OR1L8: variants seen among roughly 807,000 people sequenced by gnomAD.
OR1L8 encodes the protein olfactory receptor family 1 subfamily L member 8, also known as olfactory receptor 1L8.
For missense variants in OR1L8, 330 were observed against 377.4 expected, an observed-to-expected ratio of 0.87 and a Z score of 1.04; for synonymous variants, 148 against 147.0, an observed-to-expected ratio of 1.01 and a Z score of -0.05.
chr9:122,576,388 A>ATTT (rs71371951), intron 3 of OR1L8, among the ~76,000 whole-genome samples: 4 of 138,610 alleles, frequency 2.9e-5, no homozygotes, highest in African/African-American at 5.3e-5. Flanking sequence ...CGCCCAGCTA[A>ATTT]TTTTTTTTTT....
chr9:122,553,351 T>C, the OR1L8 span: 183 of 1,613,928 alleles, frequency 1.1e-4, no homozygotes, highest in Middle Eastern at 1.6e-4. Context: ...GGGAACCTGC[T>C]CATTATCCTG....
chr9:122,565,416 C>T (rs772865509), downstream of OR1L8, among the ~76,000 whole-genome samples: 2 of 152,338 alleles, frequency 1.3e-5, no homozygotes, highest in Middle Eastern at 3.4e-3. Context: ...CCACTGTCAT[C>T]GCCCAATGGG....
chr9:122,580,808 A>G (rs1458194796), intron 1 of OR1L8, among the ~76,000 whole-genome samples: 1 of 152,124 alleles, frequency 6.6e-6, no homozygotes, highest in East Asian at 1.9e-4. Context: ...TAAAAAATAT[A>G]CTTTTGTTCT....
chr9:122,549,077 T>G, the OR1L8 span, among the ~76,000 whole-genome samples: 16 of 152,038 alleles, frequency 1.1e-4, no homozygotes, highest in African/African-American at 3.1e-4. Context: ...ATGTTTGCCC[T>G]CTCCAAACCT....
the OR1L8 span, among the ~76,000 whole-genome samples, chr9:122,557,424 T>G: frequency 2.0e-5 from 3 of 152,114 alleles, no homozygotes; most frequent in Admixed American, 1.3e-4. Context: ...TAAATGAGTG[T>G]TGGATTTTTG....
chr9:122,554,050 T>A, the OR1L8 span: 4 of 1,613,718 alleles, frequency 2.5e-6, no homozygotes, highest in African/African-American at 5.3e-5. Context: ...GCTGCTGTTC[T>A]CTATATGGTG....
rs776582162 is a variant in OR1L8, at chr9:122,567,974, G to C, written c.504C>G (p.Thr168=). ...LLHTLLLNRL[T]FCDSNVIHHF... Reference sequence around the variant, plus strand: ...GGTGGATAACATTGGAGTCACAGAAGGTGAGACGATTCAGCAGAAGTGTGT... The same window carrying C: ...GGTGGATAACATTGGAGTCACAGAACGTGAGACGATTCAGCAGAAGTGTGT... Residue 168 remains threonine (T), a synonymous_variant, in exon 5 of 5, where the codon ACC becomes ACG. Transcript: ENST00000641027. The C allele has an allele frequency of 2.5e-6, 4 of 1,614,054 alleles. No individual in the cohort carries two copies. The highest frequency in any genetic ancestry group is 3.3e-5 in the Admixed American group (2 of 60,004).
At chr9:122,556,930 C>CAG in the OR1L8 span, among the ~76,000 whole-genome samples, 131,132 of 151,904 alleles carry the variant, frequency 0.86, 56,857 homozygotes, top group East Asian at 0.98. Context: ...TTTCTCCTAT[C>CAG]AGTTCTGCAG....
chr9:122,550,509 G>A, the OR1L8 span, among the ~76,000 whole-genome samples: 3 of 150,286 alleles, frequency 2.0e-5, no homozygotes, highest in African/African-American at 7.3e-5. Context: ...TAAAATACTA[G>A]CAAACTGAAT....
intron 3 of OR1L8, among the ~76,000 whole-genome samples, chr9:122,576,300 C>A (rs1348703151): frequency 6.6e-6 from 1 of 152,072 alleles, no homozygotes; most frequent in Non-Finnish European, 1.5e-5. Flanking sequence ...CAGCCCACTG[C>A]AACCTCCGCC....
At chr9:122,560,975 G>A in the OR1L8 span, among the ~76,000 whole-genome samples, 3 of 152,242 alleles carry the variant, frequency 2.0e-5, no homozygotes, top group East Asian at 5.8e-4. Flanking sequence ...ATCAATCATA[G>A]GTTCTGCCTT....
At chr9:122,565,330 C>G (rs1447115994), downstream of OR1L8, among the ~76,000 whole-genome samples, 1 of 152,208 alleles carries the variant, frequency 6.6e-6, no homozygotes, top group Non-Finnish European at 1.5e-5. Context: ...CAAAGCATGA[C>G]CTCAGAAGGG....
At position 122,568,378 on chromosome 9, in the gene OR1L8, T is replaced by C. The variant is rs774669051; in HGVS notation, c.100A>G (p.Ile34Val). ...CCTGTTATGGTGACCAGGTACACGA[T>C]GAGGAAGAGAACAAAGAGTGTCTTT... is the stretch of plus-strand genomic sequence containing the variant. ...DQKTLFVLFL[I>V]VYLVTITGNL... is the part of the protein sequence containing the mutation. Residue 34 changes from isoleucine to valine, a missense_variant, in exon 5 of 5, where the codon ATC (isoleucine) becomes GTC (valine). Coordinates refer to ENST00000641027, the MANE Select transcript of OR1L8 (RefSeq NM_001004454.2). 6.2e-7 allele frequency: 1 copy of C among 1,613,876 alleles called. No individual in the cohort carries two copies. The highest frequency in any genetic ancestry group is 1.1e-5 in the South Asian group (1 of 91,060).
rs748201311 is a variant in OR1L8 at position 122,568,157 on chromosome 9, G to C, written c.321C>G (p.Ala107=). 1 of 1,614,126 alleles carries C rather than the reference G, an allele frequency of 6.2e-7. No homozygotes were observed. Among genetic ancestry groups the C allele is most frequent in the Non-Finnish European group, 8.5e-7 (1 of 1,180,002 alleles). ...GCLTQMYFLY[A]LGNSDSCLLA... ...GAAGGCAGCTGTCACTGTTGCCCAAGGCATAGAGAAAATACATCTGTGTCA... is the reference window on the plus strand; with the variant it reads ...GAAGGCAGCTGTCACTGTTGCCCAACGCATAGAGAAAATACATCTGTGTCA... The change falls in exon 5 of 5, where the codon GCC becomes GCG. Residue 107 remains alanine (A), a synonymous_variant. Transcript: ENST00000641027.
chr9:122,554,133 T>C, the OR1L8 span: 1 of 1,612,654 alleles, frequency 6.2e-7, no homozygotes, highest in East Asian at 2.2e-5. Context: ...GGGTAAACTT[T>C]TTGTCAGTGG....
Position 122,568,553 on chromosome 9 carries a change from C to T in OR1L8, c.-76G>A. ...ATTTCATAACACCAATCATGAGAACCTAGCAAGTCTTTGTTTCTTCTGTTT... is the reference window on the plus strand; with the variant it reads ...ATTTCATAACACCAATCATGAGAACTTAGCAAGTCTTTGTTTCTTCTGTTT... On this transcript the variant is annotated 5_prime_UTR_variant, in exon 5 of 5. Coordinates refer to ENST00000641027, the MANE Select transcript of OR1L8 (RefSeq NM_001004454.2). The T allele has an allele frequency of 1.2e-6, 1 of 854,978 alleles. No individual in the cohort carries two copies. The highest frequency in any genetic ancestry group is 1.8e-6 in the Non-Finnish European group (1 of 546,238). 53.0% of individuals were successfully genotyped at this position (854,978 alleles called of 1,614,324 possible).
At position 122,567,835 on chromosome 9, in the gene OR1L8, T is replaced by C; in HGVS notation, c.643A>G (p.Ile215Val). The change falls in exon 5 of 5, where the codon ATT (isoleucine) becomes GTT (valine). Residue 215 changes from isoleucine to valine, a missense_variant. Physicochemically the swap from Ile to Val is conservative, Grantham distance 29. Coordinates refer to ENST00000641027, the MANE Select transcript of OR1L8 (RefSeq NM_001004454.2). ...AGGATTCGTATATAAGAGAAAGCAA[T>C]GCAGAGAAAACGAGTCACCAAAACA... is the stretch of plus-strand genomic sequence containing the variant. ...PIVLVTRFLC[I>V]AFSYIRILTT... is the part of the protein sequence containing the mutation. 1 of 1,614,078 alleles carries C rather than the reference T, an allele frequency of 6.2e-7. No individual in the cohort carries two copies. The highest frequency in any genetic ancestry group is 1.1e-5 in the South Asian group (1 of 91,066).
At chr9:122,577,869 G>A (rs1408719582) in intron 2 of OR1L8, among the ~76,000 whole-genome samples, 1 of 149,874 alleles carries the variant, frequency 6.7e-6, no homozygotes, top group African/African-American at 2.4e-5. Flanking sequence ...CATATCATCA[G>A]TACCAAATAT....
the OR1L8 span, among the ~76,000 whole-genome samples, chr9:122,557,779 G>T: frequency 2.6e-5 from 4 of 152,132 alleles, no homozygotes; most frequent in South Asian, 2.1e-4. Flanking sequence ...AGATTGCAGA[G>T]AATTGGCATA....
Sources: gnomAD v4.1 joint callset for allele counts (sites outside exome capture counted in the v4.1 genomes callset) on GRCh38, gnomAD v4.1.1 for gene constraint, MANE v1.5 for transcripts, NCBI Gene and HGNC (gene_info 2026-07-23, HGNC 2026-07-21) for gene names.